Variants in ARHGAP20 observed in about 807,000 individuals in gnomAD.
ARHGAP20 encodes the protein Rho GTPase activating protein 20, also known as rho GTPase-activating protein 20.
Under a neutral mutation model 73.7 loss-of-function variants are expected in ARHGAP20, and 34 were observed. The ratio of observed to expected loss-of-function variants is 0.46; its 90% CI spans 0.35 to 0.61. The LOEUF (loss-of-function observed/expected upper bound fraction) is 0.61. ARHGAP20 is among the 20% of genes least tolerant of loss of function. The pLI is 0.00. For missense variants in ARHGAP20, 1,314 were observed against 1,420.9 expected (o/e 0.92, Z 1.21); for synonymous variants, 523 against 518.2 (o/e 1.01, Z -0.13).
Position 110,578,274 on chromosome 11 carries a change from C to G in ARHGAP20, c.*1096G>C, listed in dbSNP as rs774994922. The G allele has an allele frequency of 2.0e-6, 2 of 985,342 alleles. No individual in the cohort carries two copies. Among genetic ancestry groups the G allele is most frequent in the South Asian group, 9.4e-5 (2 of 21,296 alleles). 61.0% of individuals were successfully genotyped at this position (985,342 alleles called of 1,614,324 possible). A position where few individuals can be genotyped will look rare whatever the true frequency, so the allele number is the denominator to read the frequency against. Reference sequence around the variant, plus strand: ...CAAATGGCTGTCTGAGAAGGCCTGGCAGCCACTTTGTTGGGTATTCTATTG... The same window carrying G: ...CAAATGGCTGTCTGAGAAGGCCTGGGAGCCACTTTGTTGGGTATTCTATTG... On this transcript the variant is annotated 3_prime_UTR_variant, in exon 15 of 15. Transcript: ENST00000683387.
chr11:110,638,071 C>G (rs1449127428), intron 2 of ARHGAP20, among the ~76,000 whole-genome samples: 1 of 152,024 alleles, frequency 6.6e-6, no homozygotes, highest in South Asian at 2.1e-4. Flanking sequence ...TTTTGTAATA[C>G]AGGTTGAGCA....
At chr11:110,711,875 G>A (rs1950667077) in intron 1 of ARHGAP20, 13 of 1,314,152 alleles carry the variant, frequency 9.9e-6, no homozygotes, top group Non-Finnish European at 1.3e-5. Flanking sequence ...ACGGGAGGGA[G>A]GCTGCGAGGT....
At chr11:110,699,431 T>C (rs1950400890) in intron 1 of ARHGAP20, among the ~76,000 whole-genome samples, 1 of 151,920 alleles carries the variant, frequency 6.6e-6, no homozygotes, top group Non-Finnish European at 1.5e-5. Context: ...TGGTCTACAG[T>C]TCAGTTTAAG....
At chr11:110,654,539 A>T (rs1036998442) in intron 2 of ARHGAP20, among the ~76,000 whole-genome samples, 1 of 152,258 alleles carries the variant, frequency 6.6e-6, no homozygotes, top group African/African-American at 2.4e-5. Context: ...ACCACGTATT[A>T]AAAGCCAGAC....
At chr11:110,614,450 T>C in intron 6 of ARHGAP20, 111 bp downstream of exon 6, 3 of 893,320 alleles carry the variant, frequency 3.4e-6, no homozygotes, top group Non-Finnish European at 3.5e-6. Flanking sequence ...CTACCTTCCA[T>C]AGCACATACA....
intron 2 of ARHGAP20, among the ~76,000 whole-genome samples, chr11:110,674,803 C>CTGAT (rs1949899497): frequency 6.6e-6 from 1 of 152,112 alleles, no homozygotes; most frequent in Admixed American, 6.6e-5. Flanking sequence ...TCTTGATTAG[C>CTGAT]CAATCAGTTA....
chr11:110,690,486 C>A, intron 2 of ARHGAP20, 61 bp downstream of exon 2: 1 of 1,470,808 alleles, frequency 6.8e-7, no homozygotes, highest in Non-Finnish European at 9.5e-7. Context: ...CTGAAAAACT[C>A]TTCATCTAAT....
intron 1 of ARHGAP20, among the ~76,000 whole-genome samples, chr11:110,701,286 T>C (rs1234844019): frequency 2.0e-5 from 3 of 150,368 alleles, no homozygotes; most frequent in African/African-American, 7.3e-5. Flanking sequence ...TTCTAACTGG[T>C]GTGAGATGGT....
chr11:110,703,811 T>C (rs921443690), intron 1 of ARHGAP20, among the ~76,000 whole-genome samples: 14 of 152,114 alleles, frequency 9.2e-5, no homozygotes, highest in Admixed American at 6.6e-4. Context: ...CTGGAGTAGG[T>C]AGAGTCAATC....
chr11:110,597,282 T>G (rs1486110324), intron 9 of ARHGAP20, among the ~76,000 whole-genome samples: 1 of 138,100 alleles, frequency 7.2e-6, no homozygotes, highest in African/African-American at 2.9e-5. Flanking sequence ...TAAAGTATAA[T>G]AATAATAAAA....
chr11:110,690,381 A>G (rs1950218242), intron 2 of ARHGAP20, among the ~76,000 whole-genome samples, 166 bp downstream of exon 2: 2 of 152,188 alleles, frequency 1.3e-5, no homozygotes, highest in East Asian at 1.9e-4. Flanking sequence ...CCAGCTAGGC[A>G]CTATTAACCT....
chr11:110,619,496 G>C (rs1445433626), intron 4 of ARHGAP20, among the ~76,000 whole-genome samples: 1 of 151,472 alleles, frequency 6.6e-6, no homozygotes, highest in Admixed American at 6.6e-5. Context: ...CAGTGATAGA[G>C]TATATGTAGT....
chr11:110,660,201 G>T (rs1044897952), intron 2 of ARHGAP20, among the ~76,000 whole-genome samples: 12 of 152,212 alleles, frequency 7.9e-5, no homozygotes, highest in Non-Finnish European at 1.6e-4. Flanking sequence ...ATGGGGCAGG[G>T]CCCTAAAATC....
At chr11:110,596,964 A>G (rs932989501) in intron 9 of ARHGAP20, among the ~76,000 whole-genome samples, 1 of 152,016 alleles carries the variant, frequency 6.6e-6, no homozygotes, top group African/African-American at 2.4e-5. Context: ...TGCAGCCATA[A>G]AAAAGGATGA....
chr11:110,584,800 T>C (rs927042092), intron 12 of ARHGAP20, among the ~76,000 whole-genome samples: 1 of 151,746 alleles, frequency 6.6e-6, no homozygotes, highest in Non-Finnish European at 1.5e-5. Flanking sequence ...AAGAGGTCAG[T>C]TTTGTTTGTA....
At chr11:110,712,010 G>A (rs1950671816) in intron 1 of ARHGAP20, 117 bp downstream of exon 1, 41 of 1,240,276 alleles carry the variant, frequency 3.3e-5, no homozygotes, top group East Asian at 6.4e-5. Flanking sequence ...CGCGAGCCTC[G>A]AGCGTCAAAT....
Position 110,581,090 on chromosome 11 carries a change from G to C in ARHGAP20, c.1856C>G (p.Thr619Ser), listed in dbSNP as rs886737222. The change falls in exon 15 of 15, where the codon ACC (threonine) becomes AGC (serine). Residue 619 changes from threonine to serine, a missense_variant. Coordinates refer to ENST00000683387, the MANE Select transcript of ARHGAP20 (RefSeq NM_001384657.1). ...CTGGTCAAGATCATAGTCACTGAGG[G>C]TTAAGACAGAGTCCATGCTTCTGCT... ...QGSRSMDSVL[T>S]LSDYDLDQPE... is the part of the protein sequence containing the mutation. The C allele has an allele frequency of 1.2e-6, 2 of 1,614,192 alleles. No individual in the cohort carries two copies. Among genetic ancestry groups the C allele is most frequent in the Non-Finnish European group, 1.7e-6 (2 of 1,180,032 alleles).
At chr11:110,585,741 A>C (rs558113550) in intron 12 of ARHGAP20, among the ~76,000 whole-genome samples, 30 of 152,216 alleles carry the variant, frequency 2.0e-4, no homozygotes, top group African/African-American at 7.0e-4. Flanking sequence ...CAAGGACTTA[A>C]CTGTGTCTTT....
intron 1 of ARHGAP20, chr11:110,690,942 GC>G (rs1565479952): frequency 9.8e-6 from 14 of 1,429,482 alleles, no homozygotes; most frequent in Non-Finnish European, 1.3e-5. Flanking sequence ...CATGTGTCTG[GC>G]TCTATGCTAA....
Sources: gnomAD v4.1 joint callset for allele counts (sites outside exome capture counted in the v4.1 genomes callset) on GRCh38, gnomAD v4.1.1 for gene constraint, MANE v1.5 for transcripts, NCBI Gene and HGNC (gene_info 2026-07-23, HGNC 2026-07-21) for gene names.